The following MB21D2 variants were observed in gnomAD, a reference collection of about 807,000 sequenced individuals.
The protein encoded by MB21D2 is nucleotidyltransferase MB21D2.
MB21D2 carries 9 observed loss-of-function variants against 33.3 expected under a neutral mutation model. The observed-to-expected ratio is 0.27, with a 90% CI of 0.16 to 0.47. The LOEUF (loss-of-function observed/expected upper bound fraction) is 0.47. Ranked by LOEUF, MB21D2 falls within the 20% of genes least tolerant of loss-of-function variation. The pLI, the probability that MB21D2 is intolerant of heterozygous loss-of-function variation, is 0.99. For synonymous variants in MB21D2, 241 were observed against 236.3 expected (o/e 1.02, Z -0.18); for missense variants, 540 against 624.6 (o/e 0.86, Z 1.44).
intron 1 of MB21D2, among the ~76,000 whole-genome samples, chr3:192,899,529 A>C (rs1295995402): frequency 6.6e-6 from 1 of 152,138 alleles, no homozygotes; most frequent in African/African-American, 2.4e-5. Context: ...ACTCTCAAAA[A>C]TAAATAAATA....
intron 1 of MB21D2, among the ~76,000 whole-genome samples, chr3:192,844,505 T>C (rs573485267): frequency 1.3e-5 from 2 of 152,296 alleles, no homozygotes; most frequent in Admixed American, 6.5e-5. Context: ...CACCAACTTA[T>C]AAGTAAATGA....
At chr3:192,808,796 C>T (rs1270598239) in intron 1 of MB21D2, among the ~76,000 whole-genome samples, 2 of 152,202 alleles carry the variant, frequency 1.3e-5, no homozygotes, top group Non-Finnish European at 2.9e-5. Flanking sequence ...CTGGATGCTG[C>T]CCTTCCTTCT....
At chr3:192,902,125 A>G (rs1714117756) in intron 1 of MB21D2, among the ~76,000 whole-genome samples, 1 of 152,190 alleles carries the variant, frequency 6.6e-6, no homozygotes, top group South Asian at 2.1e-4. Context: ...GCTGCCAAGG[A>G]AGGCCAACTG....
chr3:192,807,112 AAT>A (rs1421418278), intron 1 of MB21D2, among the ~76,000 whole-genome samples: 2 of 152,198 alleles, frequency 1.3e-5, no homozygotes, highest in Non-Finnish European at 2.9e-5. Context: ...ATATATTATC[AAT>A]ATATTTTTTC....
chr3:192,877,400 G>A (rs187041435), intron 1 of MB21D2, among the ~76,000 whole-genome samples: 3 of 152,258 alleles, frequency 2.0e-5, no homozygotes, highest in Non-Finnish European at 4.4e-5. Context: ...CAATCATTTT[G>A]AGTGTTCAGA....
intron 1 of MB21D2, among the ~76,000 whole-genome samples, chr3:192,842,559 CT>C (rs374143958): frequency 3.9e-5 from 6 of 152,290 alleles, no homozygotes; most frequent in African/African-American, 1.4e-4. Flanking sequence ...CCAAATTACA[CT>C]ATCTTTAATA....
Position 192,803,263 on chromosome 3 carries a change from A to G in MB21D2, c.212-3613T>C, listed in dbSNP as rs541680650. Among the ~76,000 whole-genome samples the G allele has an allele frequency of 2.0e-5, 3 of 152,352 alleles. No individual in the cohort carries two copies. In the South Asian group the frequency reaches 6.2e-4, roughly 32 times the overall value. ...TCTTTCCTCTCAATGATGCTTATGC[A>G]TCTCGTTAAAATGTTGACCCTTTAT... On this transcript the variant is annotated intron_variant, in intron 1 of 1. Coordinates refer to ENST00000392452, the MANE Select transcript of MB21D2 (RefSeq NM_178496.4).
chr3:192,880,646 G>A (rs1396862367), intron 1 of MB21D2, among the ~76,000 whole-genome samples: 2 of 152,098 alleles, frequency 1.3e-5, no homozygotes. Context: ...TCAAGGAGCT[G>A]ACAGCTAGCA....
chr3:192,850,961 T>TA (rs1373183064), intron 1 of MB21D2, among the ~76,000 whole-genome samples: 1 of 152,214 alleles, frequency 6.6e-6, no homozygotes, highest in Non-Finnish European at 1.5e-5. Context: ...ACTCTGCAGT[T>TA]AAACCAAGCT....
intron 1 of MB21D2, among the ~76,000 whole-genome samples, chr3:192,804,950 A>T (rs1230097316): frequency 3.3e-5 from 5 of 152,208 alleles, no homozygotes; most frequent in Non-Finnish European, 7.3e-5. Flanking sequence ...GTTGGAAAAG[A>T]TTTTAGGCCT....
intron 1 of MB21D2, among the ~76,000 whole-genome samples, chr3:192,892,676 C>T (rs1713876263): frequency 6.6e-6 from 1 of 152,144 alleles, no homozygotes; most frequent in African/African-American, 2.4e-5. Context: ...CTCCTGACCT[C>T]AGGTGATCTG....
chr3:192,809,049 T>C (rs1711729559), intron 1 of MB21D2, among the ~76,000 whole-genome samples: 1 of 152,202 alleles, frequency 6.6e-6, no homozygotes, highest in Admixed American at 6.5e-5. Flanking sequence ...TGCTTACCTG[T>C]GTCATCTCGT....
intron 1 of MB21D2, among the ~76,000 whole-genome samples, chr3:192,905,787 C>T (rs983941371): frequency 2.6e-5 from 4 of 151,646 alleles, no homozygotes; most frequent in East Asian, 1.9e-4. Context: ...GAGCCGAGAT[C>T]GCACCACTGC....
chr3:192,856,739 G>C (rs1285130514), intron 1 of MB21D2, among the ~76,000 whole-genome samples: 1 of 151,960 alleles, frequency 6.6e-6, no homozygotes, highest in Non-Finnish European at 1.5e-5. Context: ...TTTTTGTAGA[G>C]GTGGGGTTTC....
At chr3:192,886,728 T>C (rs1713740081) in intron 1 of MB21D2, among the ~76,000 whole-genome samples, 2 of 152,166 alleles carry the variant, frequency 1.3e-5, no homozygotes, top group Non-Finnish European at 2.9e-5. Context: ...TTCTAACCCT[T>C]ACGTTTTTGA....
chr3:192,916,098 T>TATATA (rs1714458733), intron 1 of MB21D2, among the ~76,000 whole-genome samples: 1 of 139,176 alleles, frequency 7.2e-6, no homozygotes. Context: ...CTACCAGGTT[T>TATATA]TATATATATA....
intron 1 of MB21D2, among the ~76,000 whole-genome samples, chr3:192,869,326 A>AAGGGAAGG (rs1179668529): frequency 3.7e-5 from 4 of 109,014 alleles, no homozygotes; most frequent in Non-Finnish European, 5.7e-5. Context: ...AGGAGGGAAA[A>AAGGGAAGG]AGGGAAGGAG....
intron 1 of MB21D2, among the ~76,000 whole-genome samples, chr3:192,868,523 T>A (rs561386078): frequency 3.9e-5 from 6 of 152,270 alleles, no homozygotes; most frequent in East Asian, 3.9e-4. Context: ...TTTTTTTTTT[T>A]AATTTTGCTG....
At chr3:192,915,487 C>T (rs192481821) in intron 1 of MB21D2, among the ~76,000 whole-genome samples, 4 of 152,282 alleles carry the variant, frequency 2.6e-5, no homozygotes, top group Admixed American at 2.6e-4. Context: ...AAGCTCATTT[C>T]GCCATCTGCC....
Sources: allele counts gnomAD v4.1 joint callset (sites outside exome capture counted in the v4.1 genomes callset), GRCh38; gene constraint gnomAD v4.1.1; transcripts MANE v1.5; gene names NCBI Gene and HGNC (gene_info 2026-07-23, HGNC 2026-07-21).